Variants in TSC1 observed in about 807,000 individuals in gnomAD.
TSC1 encodes the protein TSC complex subunit 1.
A neutral mutation model predicts 124.3 loss-of-function variants in TSC1; 20 were observed. The observed-to-expected ratio is 0.16, with a 90% CI of 0.11 to 0.23. The LOEUF (loss-of-function observed/expected upper bound fraction) is 0.23, where lower values mean the gene tolerates loss of function less well. Among genes scored for constraint, TSC1 ranks in the 10% least tolerant of loss-of-function variants. The pLI is 1.00. For missense variants in TSC1, 1,124 were observed against 1,448.5 expected (o/e 0.78, Z 3.64); for synonymous variants, 493 against 539.1 (o/e 0.91, Z 1.19).
At position 132,892,317 on chromosome 9, in the gene TSC1, G is replaced by C. The variant is rs966448764; in HGVS notation, c.*3918C>G. On this transcript the variant is annotated 3_prime_UTR_variant, in exon 23 of 23. Coordinates refer to ENST00000298552, the MANE Select transcript of TSC1 (RefSeq NM_000368.5). Reference sequence around the variant, plus strand: ...TGCCTTGGGATCTTTGCAGCAATCTGGGGGGCATGTGTCACAGAACTCTGG... The same window carrying C: ...TGCCTTGGGATCTTTGCAGCAATCTCGGGGGCATGTGTCACAGAACTCTGG... 2 of 233,184 alleles carry C rather than the reference G, an allele frequency of 8.6e-6. No homozygotes were observed. The highest frequency in any genetic ancestry group is 2.2e-5 in the African/African-American group (1 of 45,354). 14.4% of individuals were successfully genotyped at this position (233,184 alleles called of 1,614,324 possible). A position where few individuals can be genotyped will look rare whatever the true frequency, so the allele number is the denominator to read the frequency against.
rs1452138158 is a variant in TSC1 at position 132,893,791 on chromosome 9, C to T, written c.*2444G>A. On this transcript the variant is annotated 3_prime_UTR_variant, in exon 23 of 23. Transcript: ENST00000298552. ...GCCCTTAACGCTTATTGTACTAATA[C>T]CTTTGCCCAGGACTGAATTGCCTCT... The T allele has an allele frequency of 1.7e-5, 4 of 233,182 alleles. No individual in the cohort carries two copies. The highest frequency in any genetic ancestry group is 8.5e-6 in the Non-Finnish European group (1 of 118,062). 14.4% of individuals were successfully genotyped at this position (233,182 alleles called of 1,614,324 possible).
intron 8 of TSC1, among the ~76,000 whole-genome samples, chr9:132,919,391 T>A (rs556165136): frequency 6.6e-6 from 1 of 152,172 alleles, no homozygotes; most frequent in African/African-American, 2.4e-5. Context: ...AATAGATTCA[T>A]ACCAACATAC....
At chr9:132,912,575 G>A (rs1846029726) in intron 8 of TSC1, 118 bp from the exon 9 acceptor site, 1 of 1,135,422 alleles carries the variant, frequency 8.8e-7, no homozygotes, top group East Asian at 2.5e-5. Flanking sequence ...GCGGGACCAT[G>A]CCAGCCCAAG....
chr9:132,927,038 C>T, intron 4 of TSC1, 163 bp downstream of exon 4: 1 of 705,664 alleles, frequency 1.4e-6, no homozygotes, highest in Non-Finnish European at 2.5e-6. Context: ...ATCATGGGTC[C>T]TACAAAGTAA....
chr9:132,935,917 TAC>T (rs557810313), intron 1 of TSC1, among the ~76,000 whole-genome samples: 39 of 152,368 alleles, frequency 2.6e-4, no homozygotes, highest in Non-Finnish European at 4.8e-4. Flanking sequence ...TCCCCTGTTA[TAC>T]TCTTGCAGCC....
rs751712867 is a variant in TSC1 at position 132,925,757 on chromosome 9, C to T, written c.211-18G>A. 6.2e-7 allele frequency: 1 copy of T among 1,614,006 alleles called. No homozygotes were observed. Among genetic ancestry groups the T allele is most frequent in the Non-Finnish European group, 8.5e-7 (1 of 1,180,014 alleles). ...AAGAGGTGCTGAAAATGTAAAAGAA[C>T]AAGGGCAGTCCTCACATGAATGTAT... On this transcript the variant is annotated intron_variant, in intron 4 of 22. Transcript: ENST00000298552.
upstream of TSC1, chr9:132,944,725 G>C (rs1847994171): frequency 7.5e-6 from 3 of 398,186 alleles, no homozygotes; most frequent in Non-Finnish European, 4.4e-6. Flanking sequence ...AGACGGCCGC[G>C]CTCGGCAGCC....
In TSC1 at chr9:132,905,748, C is replaced by T. The variant is rs2131820356; in HGVS notation, c.1830G>A (p.Val610=). Residue 610 remains valine, a synonymous_variant, in exon 15 of 23, where the codon GTG becomes GTA. Transcript: ENST00000298552. ...QPPPYDHLFE[V]ALPKTAHHFV... ...AATGATGGGCTGTCTTTGGCAATGC[C>T]ACCTCAAAAAGATGATCATACGGGG... 1 of 1,614,180 alleles carries T rather than the reference C, an allele frequency of 6.2e-7. No individual in the cohort carries two copies. The highest frequency in any genetic ancestry group is 1.1e-5 in the South Asian group (1 of 91,072).
intron 3 of TSC1, among the ~76,000 whole-genome samples, chr9:132,927,811 C>T (rs925343405): frequency 2.0e-5 from 3 of 152,096 alleles, no homozygotes; most frequent in Non-Finnish European, 2.9e-5. Context: ...AGGCGTGAGC[C>T]GCCACACCTG....
intron 12 of TSC1, chr9:132,910,345 G>T: frequency 1.4e-6 from 1 of 696,284 alleles, no homozygotes; most frequent in Non-Finnish European, 2.4e-6. Flanking sequence ...GGTTTGACCT[G>T]CTGGGTTCCC....
Position 132,906,435 on chromosome 9 carries a change from G to C in TSC1, c.1438+296C>G, listed in dbSNP as rs1400598889. The stretch of plus-strand genomic sequence containing the variant: ...ATCGTGGTGTATGCCTGTGGTCCCA[G>C]CTACTCAGGAGGCTGAGGTGGGCGG... On this transcript the variant is annotated intron_variant, in intron 14 of 22. Transcript: ENST00000298552. The surrounding 1 kb of genome is among the most constrained non-coding windows in gnomAD (Gnocchi z 4.1). 3 of 531,380 alleles carry C rather than the reference G, an allele frequency of 5.6e-6. No homozygotes were observed. The highest frequency in any genetic ancestry group is 1.0e-5 in the Non-Finnish European group (3 of 297,180). 32.9% of individuals were successfully genotyped at this position (531,380 alleles called of 1,614,324 possible). A position where few individuals can be genotyped will look rare whatever the true frequency, so the allele number is the denominator to read the frequency against.
intron 20 of TSC1, among the ~76,000 whole-genome samples, chr9:132,898,737 G>A (rs1286032908): frequency 1.3e-5 from 2 of 152,194 alleles, no homozygotes; most frequent in African/African-American, 4.8e-5. Flanking sequence ...CCTACCAACT[G>A]TTCCCACCTG....
At chr9:132,925,121 AG>A (rs1209289918) in intron 5 of TSC1, 1 of 171,522 alleles carries the variant, frequency 5.8e-6, no homozygotes, top group Non-Finnish European at 1.3e-5. Flanking sequence ...CACTAAATTT[AG>A]TGCAAAAAAT....
At chr9:132,930,160 C>T (rs1588366111) in intron 2 of TSC1, among the ~76,000 whole-genome samples, 1 of 152,240 alleles carries the variant, frequency 6.6e-6, no homozygotes, top group Non-Finnish European at 1.5e-5. Context: ...TGGGCCCCTT[C>T]CAAAACTGTA....
At position 132,897,470 on chromosome 9, in the gene TSC1, A is replaced by G. The variant is rs546119844; in HGVS notation, c.2766T>C (p.Leu922=). 2.5e-6 allele frequency: 4 copies of G among 1,614,058 alleles called. No homozygotes were observed. The highest frequency in any genetic ancestry group is 3.4e-6 in the Non-Finnish European group (4 of 1,180,038). Residue 922 remains leucine, a synonymous_variant, in exon 21 of 23, where the codon CTT becomes CTC. Transcript: ENST00000298552. The stretch of plus-strand genomic sequence containing the variant: ...CTAGATATTTCTTCTGTTCCAAAAG[A>G]AGGTGGTCTTTCTTGGCCAGGTGAG... The part of the protein sequence containing the change: ...LESHLAKKDH[L]LLEQKKYLED...
At position 132,894,433 on chromosome 9, in the gene TSC1, T is replaced by G. The variant is rs188259612; in HGVS notation, c.*1802A>C. On this transcript the variant is annotated 3_prime_UTR_variant, in exon 23 of 23. Coordinates refer to ENST00000298552, the MANE Select transcript of TSC1 (RefSeq NM_000368.5). ...CTAAAACGGAACCAGGAAACTAGACTGTATTGGGTTTTAAGCTTTCCTTTG... is the reference window on the plus strand; with the variant it reads ...CTAAAACGGAACCAGGAAACTAGACGGTATTGGGTTTTAAGCTTTCCTTTG... 2 of 229,044 alleles carry G rather than the reference T, an allele frequency of 8.7e-6. No individual in the cohort carries two copies. The highest frequency in any genetic ancestry group is 4.4e-5 in the African/African-American group (2 of 45,224). The allele number at this position is 229,044 out of a possible 1,614,324, so 14.2% of individuals were successfully genotyped here. A position where few individuals can be genotyped will look rare whatever the true frequency, so the allele number is the denominator to read the frequency against.
chr9:132,944,624 C>G (rs1421812980), upstream of TSC1: 1 of 398,646 alleles, frequency 2.5e-6, no homozygotes, highest in Non-Finnish European at 4.4e-6. Flanking sequence ...TACAGCACCT[C>G]CCCCGTCGTG....
rs143378906 is a variant in TSC1 at position 132,919,697 on chromosome 9, C to G, written c.737+1666G>C. Among the ~76,000 whole-genome samples, 1,305 of 152,260 alleles carry G rather than the reference C, an allele frequency of 8.6e-3. 6 individuals are homozygous for G. The highest frequency in any genetic ancestry group is 0.022 in the African/African-American group (933 of 41,540). On this transcript the variant is annotated intron_variant, in intron 8 of 22. Transcript: ENST00000298552. ...GATACAGGAAATGGGAGATCCTGCA[C>G]AGGAGAGAGGCGAAGGAAAGCCCCA...
chr9:132,914,401 T>G (rs1006217508), intron 8 of TSC1, among the ~76,000 whole-genome samples: 1 of 152,164 alleles, frequency 6.6e-6, no homozygotes, highest in Non-Finnish European at 1.5e-5. Context: ...TGAAAAAGCA[T>G]GCTTTTAGCA....
Sources: gnomAD v4.1 joint callset for allele counts (sites outside exome capture counted in the v4.1 genomes callset) on GRCh38, gnomAD v4.1.1 for gene constraint, Gnocchi (gnomAD v3.1) non-coding constraint, MANE v1.5 for transcripts, NCBI Gene and HGNC (gene_info 2026-07-23, HGNC 2026-07-21) for gene names.